The following CNBD1 variants were observed in gnomAD, a reference collection of about 807,000 sequenced individuals.
The protein encoded by CNBD1 is cyclic nucleotide-binding domain-containing protein 1.
In CNBD1, 71 loss-of-function variants were observed where a neutral mutation model predicts 54.4. That is an observed-to-expected ratio of 1.30 (90% CI 1.08 to 1.59). CNBD1 has a LOEUF of 1.59. Among genes scored for constraint, CNBD1 ranks in the 40% most tolerant of loss-of-function variants. The pLI is 0.00. For synonymous variants in CNBD1, 182 were observed against 170.7 expected (o/e 1.07, Z -0.51); for missense variants, 659 against 518.0 (o/e 1.27, Z -2.64).
chr8:87,399,616 C>A (rs1228727524), intron 2 of CNBD1, among the ~76,000 whole-genome samples: 2 of 152,000 alleles, frequency 1.3e-5, no homozygotes, highest in East Asian at 3.9e-4. Flanking sequence ...GAGTGTTATT[C>A]AAAATATTTA....
intron 4 of CNBD1, among the ~76,000 whole-genome samples, chr8:86,991,033 A>G (rs540303549): frequency 6.6e-6 from 1 of 152,220 alleles, no homozygotes; most frequent in African/African-American, 2.4e-5. Context: ...TTCATTTTGC[A>G]TCCTGAAACT....
At chr8:87,266,576 C>G (rs1161643620) in intron 6 of CNBD1, among the ~76,000 whole-genome samples, 1 of 149,476 alleles carries the variant, frequency 6.7e-6, no homozygotes, top group Admixed American at 6.7e-5. Flanking sequence ...TTCAGCCTCC[C>G]AAGTAGCTGG....
At chr8:87,364,917 T>A (rs997447915) in intron 10 of CNBD1, among the ~76,000 whole-genome samples, 26 of 152,042 alleles carry the variant, frequency 1.7e-4, no homozygotes, top group Admixed American at 6.6e-5. Context: ...GTTGATTCCA[T>A]GTCTTTGCTA....
At chr8:86,939,804 T>A in intron 4 of CNBD1, 50 bp downstream of exon 4, 1 of 1,181,030 alleles carries the variant, frequency 8.5e-7, no homozygotes, top group Non-Finnish European at 1.2e-6. Context: ...TTCTTTTGAA[T>A]GGCTTTATTT....
At chr8:87,372,135 C>T (rs760419024) in intron 10 of CNBD1, among the ~76,000 whole-genome samples, 8 of 152,060 alleles carry the variant, frequency 5.3e-5, no homozygotes, top group Non-Finnish European at 8.8e-5. Flanking sequence ...GCAACTTCAG[C>T]CAAGTCTCAG....
chr8:87,001,258 C>A (rs1404078607), intron 4 of CNBD1, among the ~76,000 whole-genome samples: 1 of 151,996 alleles, frequency 6.6e-6, no homozygotes, highest in Non-Finnish European at 1.5e-5. Flanking sequence ...CCATCTCATT[C>A]TCTTTTTTAT....
chr8:86,992,357 G>A (rs1164258941), intron 4 of CNBD1, among the ~76,000 whole-genome samples: 1 of 151,948 alleles, frequency 6.6e-6, no homozygotes, highest in Non-Finnish European at 1.5e-5. Flanking sequence ...TTTAGCCTGT[G>A]AGTATCATTA....
At chr8:87,338,704 A>G (rs907727428) in intron 8 of CNBD1, among the ~76,000 whole-genome samples, 2 of 148,202 alleles carry the variant, frequency 1.3e-5, no homozygotes, top group African/African-American at 2.5e-5. Flanking sequence ...TTGTTTTTGC[A>G]GCTATCTTGT....
At chr8:87,257,369 C>CAAAAAAAAAAAAAAAAAAAA (rs771338208) in intron 6 of CNBD1, among the ~76,000 whole-genome samples, 3 of 67,542 alleles carry the variant, frequency 4.4e-5, no homozygotes, top group Non-Finnish European at 8.8e-5. Flanking sequence ...AACTCTATCG[C>CAAAAAAAAAAAAAAAAAAAA]AAAAAAAAAA....
At chr8:87,290,143 T>G (rs1808760519) in intron 8 of CNBD1, among the ~76,000 whole-genome samples, 1 of 152,080 alleles carries the variant, frequency 6.6e-6, no homozygotes. Flanking sequence ...TCTATTTCCA[T>G]TTCCTCCTTT....
intron 4 of CNBD1, among the ~76,000 whole-genome samples, chr8:87,176,360 A>G (rs1049211024): frequency 6.6e-6 from 1 of 152,224 alleles, no homozygotes; most frequent in South Asian, 2.1e-4. Context: ...AATAGGCTTA[A>G]TTAAATCATA....
intron 10 of CNBD1, among the ~76,000 whole-genome samples, chr8:87,358,947 G>T (rs1810476930): frequency 6.6e-6 from 1 of 152,136 alleles, no homozygotes. Context: ...TGGATTAGGT[G>T]TTATCTGTTT....
intron 10 of CNBD1, among the ~76,000 whole-genome samples, chr8:87,362,216 T>G (rs996167694): frequency 4.6e-5 from 7 of 152,044 alleles, no homozygotes; most frequent in Admixed American, 3.3e-4. Context: ...AAGACCATAT[T>G]TTGGTTTTGG....
intron 4 of CNBD1, among the ~76,000 whole-genome samples, chr8:87,075,125 G>A (rs1190931480): frequency 6.6e-6 from 1 of 152,154 alleles, no homozygotes; most frequent in Admixed American, 6.5e-5. Context: ...CACATAGTGA[G>A]CATATATGAA....
intron 4 of CNBD1, among the ~76,000 whole-genome samples, chr8:87,102,134 G>A (rs990112308): frequency 2.6e-5 from 4 of 151,960 alleles, no homozygotes; most frequent in Non-Finnish European, 5.9e-5. Context: ...TGATCTGCCC[G>A]CCTCGGCCTC....
At chr8:87,222,558 G>A (rs1200653417) in intron 5 of CNBD1, among the ~76,000 whole-genome samples, 1 of 152,078 alleles carries the variant, frequency 6.6e-6, no homozygotes, top group East Asian at 1.9e-4. Flanking sequence ...ATTTTATAGG[G>A]CAAGGAGGGA....
In CNBD1 at chr8:87,237,029, CAG is replaced by C; in HGVS notation, c.691_692del (p.Ser231PhefsTer8). 6.2e-7 allele frequency: 1 copy of C among 1,612,116 alleles called. No individual in the cohort carries two copies. Among genetic ancestry groups the C allele is most frequent in the Admixed American group, 1.7e-5 (1 of 59,928 alleles). The stretch of plus-strand genomic sequence containing the variant: ...TGATTCACCAGACTCGTTCATATCT[CAG>C]AGTTTCCACAGCTTCATTTGGAGTG... ...GSDSPDSFIS[Q>X]SFHSFIWSEE... is the part of the protein sequence containing the mutation. On this transcript the variant is annotated frameshift_variant, in exon 6 of 11. Transcript: ENST00000518476. LOFTEE classifies it high-confidence loss of function.
At chr8:87,381,450 C>G (rs1474428593) in intron 10 of CNBD1, among the ~76,000 whole-genome samples, 2 of 151,696 alleles carry the variant, frequency 1.3e-5, no homozygotes, top group East Asian at 3.9e-4. Context: ...ATGATGTAGC[C>G]ACTATGGAAA....
intron 10 of CNBD1, among the ~76,000 whole-genome samples, chr8:87,377,136 A>AC (rs1563576986): frequency 8.4e-6 from 1 of 118,426 alleles, no homozygotes; most frequent in Non-Finnish European, 1.9e-5. Context: ...TATTTTATTT[A>AC]TTTTTTTATG....
Sources: gnomAD v4.1 joint callset for allele counts (sites outside exome capture counted in the v4.1 genomes callset) on GRCh38, gnomAD v4.1.1 for gene constraint, MANE v1.5 for transcripts, NCBI Gene and HGNC (gene_info 2026-07-23, HGNC 2026-07-21) for gene names.